The following BST1 variants were observed in gnomAD, a reference collection of about 807,000 sequenced individuals.
BST1 encodes ADP-ribosyl cyclase/cyclic ADP-ribose hydrolase 2.
BST1 carries 49 observed loss-of-function variants against 40.6 expected under a neutral mutation model. The ratio of observed to expected loss-of-function variants is 1.21; its 90% confidence interval spans 0.96 to 1.53. BST1 has a LOEUF of 1.53. Ranked by LOEUF, BST1 falls within the 40% of genes most tolerant of loss-of-function variation. The pLI is 0.00. For missense variants in BST1, 423 were observed against 395.9 expected (o/e 1.07, Z -0.58); for synonymous variants, 157 against 159.3 (o/e 0.99, Z 0.11).
rs1028660487 is a variant in BST1 at position 15,715,872 on chromosome 4, T to C, written c.704+73T>C. On this transcript the variant is annotated intron_variant, in intron 6 of 8. Coordinates refer to ENST00000265016, the MANE Select transcript of BST1 (RefSeq NM_004334.3). Reference sequence around the variant, plus strand: ...CTTGTATATAATATGATAAAGTTCGTTTAACATTTTCAGTTTAGGGGAAAT... The same window carrying C: ...CTTGTATATAATATGATAAAGTTCGCTTAACATTTTCAGTTTAGGGGAAAT... 4.3e-5 allele frequency: 50 copies of C among 1,158,714 alleles called. 1 individual carries two copies. The highest frequency in any genetic ancestry group is 6.0e-6 in the Non-Finnish European group (5 of 837,806). The allele number at this position is 1,158,714 out of a possible 1,614,324, so 71.8% of individuals were successfully genotyped here.
chr4:15,768,926 T>C, the BST1 span, among the ~76,000 whole-genome samples: 5 of 152,342 alleles, frequency 3.3e-5, no homozygotes, highest in South Asian at 8.3e-4. Context: ...TAAATCCCCT[T>C]TGAGAACAGA....
downstream of BST1, among the ~76,000 whole-genome samples, chr4:15,740,885 T>A (rs1321301803): frequency 1.3e-5 from 2 of 151,948 alleles, no homozygotes; most frequent in African/African-American, 4.8e-5. Context: ...GGTGAAGTAA[T>A]ACTTTTAGCT....
the BST1 span, among the ~76,000 whole-genome samples, chr4:15,769,533 T>C: frequency 2.6e-5 from 4 of 152,182 alleles, no homozygotes; most frequent in African/African-American, 9.7e-5. Flanking sequence ...TTACATGAGA[T>C]GCTCAGGCTC....
At chr4:15,743,985 C>A in the BST1 span, among the ~76,000 whole-genome samples, 3 of 152,188 alleles carry the variant, frequency 2.0e-5, no homozygotes, top group African/African-American at 7.2e-5. Flanking sequence ...CATCACAGCT[C>A]CTGCTCCCTC....
chr4:15,770,806 G>A, the BST1 span, among the ~76,000 whole-genome samples: 58 of 152,306 alleles, frequency 3.8e-4, no homozygotes, highest in Non-Finnish European at 2.9e-5. Flanking sequence ...TACTTGCTAG[G>A]GGCCAGACAT....
At chr4:15,714,356 C>G (rs1720391766) in intron 4 of BST1, among the ~76,000 whole-genome samples, 2 of 152,184 alleles carry the variant, frequency 1.3e-5, no homozygotes, top group African/African-American at 4.8e-5. Context: ...GTAGTATTCT[C>G]AAGTGGAGAT....
chr4:15,771,832 G>C, the BST1 span, among the ~76,000 whole-genome samples: 3 of 152,202 alleles, frequency 2.0e-5, no homozygotes, highest in African/African-American at 7.2e-5. Context: ...CATTTATACA[G>C]GTCTAGTTAA....
At chr4:15,768,179 G>A in the BST1 span, among the ~76,000 whole-genome samples, 1 of 152,200 alleles carries the variant, frequency 6.6e-6, no homozygotes, top group African/African-American at 2.4e-5. Context: ...CTGAGATGCT[G>A]CCCCTCCAAA....
Position 15,711,883 on chromosome 4 carries a change from C to A in BST1, c.528C>A (p.Ser176=). ...NPVDSFWKRA[S]IQYSKDSSGV... ...TGGATTCCTTTTGGAAAAGGGCATC[C>A]ATCCAGGTAATGCTGGGATGATATC... Residue 176 remains serine, a synonymous_variant, in exon 4 of 9, where the codon TCC becomes TCA. Coordinates refer to ENST00000265016, the MANE Select transcript of BST1 (RefSeq NM_004334.3). 4.3e-6 allele frequency: 7 copies of A among 1,613,022 alleles called. No individual in the cohort carries two copies. Among genetic ancestry groups the A allele is most frequent in the Non-Finnish European group, 5.9e-6 (7 of 1,179,014 alleles).
intron 3 of BST1, among the ~76,000 whole-genome samples, chr4:15,708,800 G>A (rs1460970620): frequency 6.6e-6 from 1 of 152,050 alleles, no homozygotes; most frequent in Non-Finnish European, 1.5e-5. Flanking sequence ...AGAATCCCTC[G>A]AACCCTGGAG....
rs941558395 is a variant in BST1, at chr4:15,703,226, G to A, written c.82G>A (p.Gly28Ser). The change falls in exon 1 of 9, where the codon GGC (glycine) becomes AGC (serine). Residue 28 changes from glycine to serine, a missense_variant. By Grantham distance (56) the Gly-to-Ser change is moderately conservative. Transcript: ENST00000265016. ...GCTTCTACTGTTGCTGCTGGCGGCG[G>A]GCGGGGCGCGCGCGCGGTGGCGCGG... ...LLLLLLLLAA[G>S]GARARWRGEG... is the part of the protein sequence containing the mutation. 9 of 1,546,400 alleles carry A rather than the reference G, an allele frequency of 5.8e-6. No homozygotes were observed. Among genetic ancestry groups the A allele is most frequent in the Non-Finnish European group, 7.8e-6 (9 of 1,147,496 alleles).
the BST1 span, among the ~76,000 whole-genome samples, chr4:15,749,661 A>G: frequency 6.6e-6 from 1 of 151,754 alleles, no homozygotes. Flanking sequence ...CAAGCAAATG[A>G]CAGCAAAGAG....
the BST1 span, among the ~76,000 whole-genome samples, chr4:15,765,676 C>T: frequency 6.6e-6 from 1 of 152,134 alleles, no homozygotes; most frequent in East Asian, 1.9e-4. Context: ...AGGGCCTTTG[C>T]AATTGCTCTT....
At chr4:15,754,641 G>A in the BST1 span, among the ~76,000 whole-genome samples, 1 of 152,330 alleles carries the variant, frequency 6.6e-6, no homozygotes, top group Non-Finnish European at 1.5e-5. Context: ...TGATAAGCAT[G>A]CCTGAAAAGA....
chr4:15,716,598 G>C (rs1720529320), intron 6 of BST1, among the ~76,000 whole-genome samples: 1 of 152,108 alleles, frequency 6.6e-6, no homozygotes, highest in Admixed American at 6.5e-5. Context: ...CACCATATAA[G>C]GGGTTATTTT....
At chr4:15,747,156 C>T in the BST1 span, among the ~76,000 whole-genome samples, 1 of 152,260 alleles carries the variant, frequency 6.6e-6, no homozygotes, top group East Asian at 1.9e-4. Flanking sequence ...AGACTGTGAT[C>T]GTCCATTGTG....
At chr4:15,764,593 A>G in the BST1 span, among the ~76,000 whole-genome samples, 905 of 152,082 alleles carry the variant, frequency 6.0e-3, 18 homozygotes, top group African/African-American at 0.021. Flanking sequence ...ATGTGCTATG[A>G]TGGGCTTAAT....
rs1436897979 is a variant in BST1 at position 15,722,895 on chromosome 4, G to A, written c.812G>A (p.Cys271Tyr). Reference sequence around the variant, plus strand: ...TGTAGACCAGTGAAGCTCTTACAGTGCGTGGACCACAGCACCCATCCTGAC... The same window carrying A: ...TGTAGACCAGTGAAGCTCTTACAGTACGTGGACCACAGCACCCATCCTGAC... Reference protein sequence around the residue: ...NDYRPVKLLQCVDHSTHPDCA... With the variant: ...NDYRPVKLLQYVDHSTHPDCA... The change falls in exon 8 of 9, where the codon TGC (cysteine) becomes TAC (tyrosine). Residue 271 changes from cysteine (C) to tyrosine (Y), a missense_variant. Transcript: ENST00000265016. 6.2e-7 allele frequency: 1 copy of A among 1,613,784 alleles called. No individual in the cohort carries two copies. The highest frequency in any genetic ancestry group is 8.5e-7 in the Non-Finnish European group (1 of 1,179,776).
chr4:15,759,273 G>A, the BST1 span, among the ~76,000 whole-genome samples: 1 of 151,976 alleles, frequency 6.6e-6, no homozygotes, highest in African/African-American at 2.4e-5. Flanking sequence ...GAAGATGGAT[G>A]TGCTGCTCAA....
Sources: allele counts gnomAD v4.1 joint callset (sites outside exome capture counted in the v4.1 genomes callset), GRCh38; gene constraint gnomAD v4.1.1; transcripts MANE v1.5; gene names NCBI Gene and HGNC (gene_info 2026-07-23, HGNC 2026-07-21).